The following ZNF385D variants were observed in gnomAD, a reference collection of about 807,000 sequenced individuals.
The protein encoded by ZNF385D is zinc finger protein 659.
ZNF385D carries 15 observed loss-of-function variants against 35.8 expected under a neutral mutation model. The observed-to-expected ratio is 0.42, with a 90% confidence interval of 0.28 to 0.64. The LOEUF (loss-of-function observed/expected upper bound fraction) is 0.64. Among genes scored for constraint, ZNF385D ranks in the 30% least tolerant of loss-of-function variants. The pLI, the probability that ZNF385D is intolerant of heterozygous loss-of-function variation, is 0.23. For synonymous variants in ZNF385D, 212 were observed against 186.8 expected, an observed-to-expected ratio of 1.13 and a Z score of -1.10; for missense variants, 474 against 494.6, an observed-to-expected ratio of 0.96 and a Z score of 0.39.
chr3:21,581,409 G>A (rs1250099242), intron 2 of ZNF385D, among the ~76,000 whole-genome samples: 1 of 152,066 alleles, frequency 6.6e-6, no homozygotes, highest in African/African-American at 2.4e-5. Context: ...AAATTCTAGT[G>A]CCATGTGATT....
At chr3:21,583,990 T>A (rs368415652) in intron 2 of ZNF385D, among the ~76,000 whole-genome samples, 3 of 45,434 alleles carry the variant, frequency 6.6e-5, no homozygotes, top group Admixed American at 2.0e-4. Context: ...TTATTTATTT[T>A]TTGAGACAGA....
intron 3 of ZNF385D, among the ~76,000 whole-genome samples, chr3:22,110,791 A>G (rs566893938): frequency 1.7e-3 from 251 of 151,908 alleles, no homozygotes; most frequent in Admixed American, 7.8e-3. Flanking sequence ...AGTATAATAA[A>G]AAAAAAAAGA....
At chr3:21,871,399 C>G (rs1457139500) in intron 3 of ZNF385D, among the ~76,000 whole-genome samples, 1 of 152,122 alleles carries the variant, frequency 6.6e-6, no homozygotes, top group Non-Finnish European at 1.5e-5. Context: ...AATATTAATA[C>G]TATTGAAAAT....
intron 2 of ZNF385D, among the ~76,000 whole-genome samples, chr3:22,268,643 C>A (rs1466681345): frequency 6.6e-6 from 1 of 152,038 alleles, no homozygotes; most frequent in Admixed American, 6.6e-5. Context: ...CCATAGACTT[C>A]CAGCACAGAA....
chr3:22,080,130 CT>C (rs1006795538), intron 3 of ZNF385D, among the ~76,000 whole-genome samples: 5 of 152,078 alleles, frequency 3.3e-5, no homozygotes, highest in Non-Finnish European at 7.4e-5. Flanking sequence ...CATATAATTA[CT>C]TAGGAAGTTC....
intron 2 of ZNF385D, among the ~76,000 whole-genome samples, chr3:22,349,370 T>C (rs545364191): frequency 4.5e-4 from 68 of 152,212 alleles, no homozygotes; most frequent in African/African-American, 1.5e-3. Flanking sequence ...GTAGGAAAAA[T>C]GTGATTCAAT....
chr3:21,523,532 G>A (rs1708043562), intron 3 of ZNF385D, among the ~76,000 whole-genome samples: 1 of 152,162 alleles, frequency 6.6e-6, no homozygotes, highest in Non-Finnish European at 1.5e-5. Flanking sequence ...TCACTCTTCT[G>A]AGGGTCTTCT....
intron 3 of ZNF385D, among the ~76,000 whole-genome samples, chr3:21,905,561 G>A (rs917445169): frequency 6.6e-6 from 1 of 151,836 alleles, no homozygotes; most frequent in African/African-American, 2.4e-5. Flanking sequence ...ATGAAAGGAA[G>A]GAAAGCAAAT....
chr3:21,571,539 TG>T (rs2063334121), intron 2 of ZNF385D, among the ~76,000 whole-genome samples: 1 of 152,096 alleles, frequency 6.6e-6, no homozygotes, highest in African/African-American at 2.4e-5. Context: ...TTTTTCAAAA[TG>T]GTTGTTACAG....
chr3:21,925,176 G>C (rs906821256), intron 3 of ZNF385D, among the ~76,000 whole-genome samples: 1 of 152,090 alleles, frequency 6.6e-6, no homozygotes, highest in Non-Finnish European at 1.5e-5. Context: ...GGAAGGCAAA[G>C]TAGGTAGAAT....
intron 2 of ZNF385D, chr3:22,372,352 G>T (rs1324587306): frequency 6.4e-6 from 5 of 784,510 alleles, no homozygotes; most frequent in African/African-American, 3.8e-5. Context: ...AGCCCCTCGC[G>T]CCTGGTATCC....
chr3:21,625,469 T>C (rs887520477), intron 2 of ZNF385D, among the ~76,000 whole-genome samples: 16 of 152,074 alleles, frequency 1.1e-4, no homozygotes, highest in Non-Finnish European at 2.1e-4. Flanking sequence ...TAAACAAGAA[T>C]ACTTAGCAAC....
intron 3 of ZNF385D, among the ~76,000 whole-genome samples, chr3:22,084,944 T>C (rs1044366251): frequency 6.6e-6 from 1 of 152,116 alleles, no homozygotes; most frequent in African/African-American, 2.4e-5. Context: ...CACAACTACA[T>C]GGAAACTGAA....
At chr3:22,085,177 CA>C (rs141728750) in intron 3 of ZNF385D, among the ~76,000 whole-genome samples, 19,426 of 152,046 alleles carry the variant, frequency 0.13, 1,551 homozygotes, top group Middle Eastern at 0.24. Flanking sequence ...ACTAGAGAAG[CA>C]AGAGCGAACA....
intron 2 of ZNF385D, among the ~76,000 whole-genome samples, chr3:22,235,805 G>A (rs1214871038): frequency 6.6e-6 from 1 of 152,034 alleles, no homozygotes; most frequent in Non-Finnish European, 1.5e-5. Context: ...TAGTCTGGGA[G>A]GAGTGCAAAT....
intron 2 of ZNF385D, among the ~76,000 whole-genome samples, chr3:22,205,934 C>T (rs774514128): frequency 6.6e-6 from 1 of 151,964 alleles, no homozygotes; most frequent in African/African-American, 2.4e-5. Flanking sequence ...TGTAAATGGA[C>T]TAAACTTCCC....
chr3:22,125,427 A>G (rs888734537), intron 3 of ZNF385D, among the ~76,000 whole-genome samples: 1 of 151,630 alleles, frequency 6.6e-6, no homozygotes, highest in Non-Finnish European at 1.5e-5. Flanking sequence ...AATTTTTAGG[A>G]TTTTTTTTCT....
At chr3:21,860,403 A>G (rs1320602012) in intron 3 of ZNF385D, among the ~76,000 whole-genome samples, 1 of 152,140 alleles carries the variant, frequency 6.6e-6, no homozygotes, top group Non-Finnish European at 1.5e-5. Context: ...ATATATCTAC[A>G]TGTTTACAGA....
rs564397779 is a variant in ZNF385D at position 22,069,712 on chromosome 3, C to G, written c.325+99105G>C. ...AAGATGAAACTCAAGGATTCTGGGC[C>G]CTTTTTTAGATGTGAAGGTAATAAG... On this transcript the variant is annotated intron_variant, in intron 3 of 5. Coordinates refer to the ZNF385D transcript ENST00000494108. 4.6e-5 allele frequency among the ~76,000 whole-genome samples: 7 copies of G among 152,194 alleles called. No individual in the cohort carries two copies. The South Asian group carries it at 1.0e-3, about 23-fold the overall frequency.
Sources: allele counts gnomAD v4.1 joint callset (sites outside exome capture counted in the v4.1 genomes callset), GRCh38; gene constraint gnomAD v4.1.1; transcripts MANE v1.5; gene names NCBI Gene and HGNC (gene_info 2026-07-23, HGNC 2026-07-21).